YIPF7: variants seen among roughly 807,000 people sequenced by gnomAD.
YIPF7 encodes protein YIPF7.
In YIPF7, 35 loss-of-function variants were observed where a neutral mutation model predicts 27.2. The ratio of observed to expected loss-of-function variants is 1.29; its 90% CI spans 0.98 to 1.70. The LOEUF (loss-of-function observed/expected upper bound fraction) is 1.70, where lower values mean the gene tolerates loss of function less well. Among genes scored for constraint, YIPF7 ranks in the 40% most tolerant of loss-of-function variants. The pLI, the probability that YIPF7 is intolerant of heterozygous loss-of-function variation, is 0.00. For synonymous variants in YIPF7, 137 were observed against 110.4 expected, an observed-to-expected ratio of 1.24 and a Z score of -1.51; for missense variants, 358 against 303.7, an observed-to-expected ratio of 1.18 and a Z score of -1.33.
intron 3 of YIPF7, among the ~76,000 whole-genome samples, chr4:44,634,952 A>G (rs943781044): frequency 2.0e-5 from 3 of 152,212 alleles, no homozygotes; most frequent in African/African-American, 7.2e-5. Flanking sequence ...GCTTCTAAAG[A>G]GCCAATAGAT....
intron 3 of YIPF7, among the ~76,000 whole-genome samples, chr4:44,634,721 G>A (rs983063376): frequency 1.3e-5 from 2 of 152,060 alleles, no homozygotes; most frequent in African/African-American, 4.8e-5. Context: ...ACATCAAATT[G>A]TTAATGATAG....
chr4:44,650,169 A>T, intron 1 of YIPF7, 68 bp from the exon 2 acceptor site: 1 of 952,292 alleles, frequency 1.1e-6, no homozygotes, highest in Non-Finnish European at 1.6e-6. Flanking sequence ...ATATTTACAA[A>T]CATCAAATGA....
At chr4:44,640,183 A>T (rs1184574048) in intron 2 of YIPF7, among the ~76,000 whole-genome samples, 1 of 152,186 alleles carries the variant, frequency 6.6e-6, no homozygotes, top group Non-Finnish European at 1.5e-5. Flanking sequence ...TTTTGGTATC[A>T]GGTGTTACTG....
chr4:44,635,963 G>A lies in YIPF7; in HGVS notation c.239C>T (p.Pro80Leu). ...ASNSDYYSQS[P>L]YIDSFDEEPP... ...CTCTTCATCAAAACTGTCAATGTAA[G>A]GAGATTGTGAATAATAATCTGAGTT... The change falls in exon 3 of 6, where the codon CCT becomes CTT. Residue 80 changes from proline to leucine, a missense_variant. Physicochemically the swap from Pro to Leu is moderately conservative, Grantham distance 98 (BLOSUM62 -3). Coordinates refer to ENST00000415895, the MANE Select transcript of YIPF7 (RefSeq NM_182592.3). 5 of 1,613,884 alleles carry A rather than the reference G, an allele frequency of 3.1e-6. No individual in the cohort carries two copies. Among genetic ancestry groups the A allele is most frequent in the East Asian group, 4.5e-5 (2 of 44,864 alleles).
At chr4:44,633,427 T>A (rs1379549119) in intron 3 of YIPF7, among the ~76,000 whole-genome samples, 3 of 151,342 alleles carry the variant, frequency 2.0e-5, no homozygotes, top group African/African-American at 7.3e-5. Flanking sequence ...AGGAAAAAAA[T>A]TAGTTAAGCA....
intron 4 of YIPF7, among the ~76,000 whole-genome samples, chr4:44,626,761 ATCTTTTT>A (rs1712657717): frequency 3.5e-5 from 2 of 56,708 alleles, no homozygotes; most frequent in Admixed American, 4.4e-4. Flanking sequence ...TCATTAGCAC[ATCTTTTT>A]TTTTTTTTTT....
chr4:44,651,974 C>T (rs1713752165), upstream of YIPF7, among the ~76,000 whole-genome samples: 1 of 152,154 alleles, frequency 6.6e-6, no homozygotes, highest in African/African-American at 2.4e-5. Context: ...GGCACATGAT[C>T]TTATGTAGAA....
At chr4:44,635,248 T>C (rs1713073981) in intron 3 of YIPF7, among the ~76,000 whole-genome samples, 1 of 152,176 alleles carries the variant, frequency 6.6e-6, no homozygotes, top group South Asian at 2.1e-4. Context: ...ATTAACATTG[T>C]TTAAGAGCAA....
At chr4:44,647,967 C>G (rs1323935482) in intron 2 of YIPF7, among the ~76,000 whole-genome samples, 3 of 152,018 alleles carry the variant, frequency 2.0e-5, no homozygotes, top group Admixed American at 6.6e-5. Flanking sequence ...ATTTATGGAA[C>G]AGTTTATTCT....
intron 1 of YIPF7, among the ~76,000 whole-genome samples, chr4:44,661,004 C>T (rs1434599926): frequency 6.6e-6 from 1 of 152,102 alleles, no homozygotes; most frequent in Non-Finnish European, 1.5e-5. Context: ...CTTATAAGAA[C>T]ATATAAGGAG....
At chr4:44,632,890 A>G (rs768722080) in intron 3 of YIPF7, among the ~76,000 whole-genome samples, 39 of 152,098 alleles carry the variant, frequency 2.6e-4, no homozygotes, top group Non-Finnish European at 3.8e-4. Context: ...GGTGTCCCCA[A>G]TCCCCGGGCC....
intron 2 of YIPF7, among the ~76,000 whole-genome samples, chr4:44,646,634 T>C (rs1173178637): frequency 1.3e-5 from 2 of 152,186 alleles, no homozygotes; most frequent in Non-Finnish European, 2.9e-5. Context: ...ATTATGTTTT[T>C]AAAAAGATAA....
chr4:44,643,299 GT>G (rs1473732817), intron 2 of YIPF7, among the ~76,000 whole-genome samples: 1 of 152,112 alleles, frequency 6.6e-6, no homozygotes, highest in Non-Finnish European at 1.5e-5. Context: ...TAGAATGATG[GT>G]TTAGGGCATC....
chr4:44,622,338 C>A lies in YIPF7; in HGVS notation c.*76G>T. On this transcript the variant is annotated 3_prime_UTR_variant, in exon 6 of 6. Coordinates refer to ENST00000415895, the MANE Select transcript of YIPF7 (RefSeq NM_182592.3). Reference sequence around the variant, plus strand: ...AGCAATAAAACAGAAATCATATCACCAAATTTGAATGTTAATATATTTCCA... The same window carrying A: ...AGCAATAAAACAGAAATCATATCACAAAATTTGAATGTTAATATATTTCCA... 6.7e-7 allele frequency: 1 copy of A among 1,486,500 alleles called. No individual in the cohort carries two copies. Among genetic ancestry groups the A allele is most frequent in the Admixed American group, 2.3e-5 (1 of 43,334 alleles). The allele number at this position is 1,486,500 out of a possible 1,614,324, so 92.1% of individuals were successfully genotyped here. A position where few individuals can be genotyped will look rare whatever the true frequency, so the allele number is the denominator to read the frequency against.
intron 2 of YIPF7, among the ~76,000 whole-genome samples, chr4:44,659,364 A>G (rs976290505): frequency 6.6e-6 from 1 of 152,224 alleles, no homozygotes; most frequent in African/African-American, 2.4e-5. Context: ...AGCACTGTAA[A>G]AAATCTAGTA....
intron 2 of YIPF7, among the ~76,000 whole-genome samples, chr4:44,641,515 A>C (rs531963224): frequency 1.3e-5 from 2 of 152,332 alleles, no homozygotes; most frequent in African/African-American, 4.8e-5. Context: ...AGTTTCTTTC[A>C]TAAAAGCCCT....
chr4:44,652,020 A>C (rs2109603056), upstream of YIPF7, among the ~76,000 whole-genome samples: 1 of 152,330 alleles, frequency 6.6e-6, no homozygotes, highest in East Asian at 1.9e-4. Context: ...GTTGTGGTCA[A>C]TTTTATCTAA....
At chr4:44,660,128 A>AAAAAAAAAAAAAAAAAAAAAAAAAAAAC (rs1560332849) in intron 2 of YIPF7, among the ~76,000 whole-genome samples, 1 of 146,954 alleles carries the variant, frequency 6.8e-6, no homozygotes, top group Non-Finnish European at 1.5e-5. Flanking sequence ...AAAAAAAAAA[A>AAAAAAAAAAAAAAAAAAAAAAAAAAAAC]AAAAAAAACG....
At chr4:44,654,612 A>T (rs978904471), upstream of YIPF7, among the ~76,000 whole-genome samples, 2 of 151,972 alleles carry the variant, frequency 1.3e-5, no homozygotes, top group African/African-American at 4.8e-5. Flanking sequence ...GGATCAGACT[A>T]TTTGATAGAC....
Sources: gnomAD v4.1 joint callset for allele counts (sites outside exome capture counted in the v4.1 genomes callset) on GRCh38, gnomAD v4.1.1 for gene constraint, MANE v1.5 for transcripts, NCBI Gene and HGNC (gene_info 2026-07-23, HGNC 2026-07-21) for gene names.